Variants in CLK3 observed in about 807,000 individuals in gnomAD.
CLK3 encodes dual specificity protein kinase CLK3.
CLK3 carries 24 observed loss-of-function variants against 65.2 expected under a neutral mutation model. The observed-to-expected ratio is 0.37, with a 90% CI of 0.27 to 0.52. CLK3 has a LOEUF of 0.52. Among genes scored for constraint, CLK3 ranks in the 20% least tolerant of loss-of-function variants. The pLI, the probability that CLK3 is intolerant of heterozygous loss-of-function variation, is 0.92. For synonymous variants in CLK3, 252 were observed against 240.8 expected, an observed-to-expected ratio of 1.05 and a Z score of -0.43; for missense variants, 506 against 660.0, an observed-to-expected ratio of 0.77 and a Z score of 2.56.
chr15:74,619,118 A>C (rs574752275), intron 1 of CLK3, 79 bp from the exon 2 acceptor site: 4 of 1,566,844 alleles, frequency 2.6e-6, no homozygotes, highest in Admixed American at 1.8e-5. Flanking sequence ...TTCAGGAGCA[A>C]CCGGGAAGCC....
chr15:74,622,368 T>TGAA lies in CLK3; in HGVS notation c.467-126_467-125insGAA. 1 of 1,048,704 alleles carries TGAA rather than the reference T, an allele frequency of 9.5e-7. No homozygotes were observed. The highest frequency in any genetic ancestry group is 2.1e-5 in the Admixed American group (1 of 47,004). 65.0% of individuals were successfully genotyped at this position (1,048,704 alleles called of 1,614,324 possible). On this transcript the variant is annotated intron_variant, in intron 4 of 12. Transcript: ENST00000395066. The surrounding 1 kb of genome is among the most constrained non-coding windows in gnomAD (Gnocchi z 4.6). The stretch of plus-strand genomic sequence containing the variant: ...ATGACACAGACACTAGCAACTTCCA[T>TGAA]TTTTAAGAGTGTAGCAGTGAGAGAG...
Position 74,627,678 on chromosome 15 carries a change from T to C in CLK3, c.1042+10T>C, listed in dbSNP as rs1439817610. ...CCTGAGGTGATCCTTGGTGAGTGAC[T>C]GTATGGCCTGTGACCTTGTCATACT... On this transcript the variant is annotated intron_variant, in intron 9 of 12. Transcript: ENST00000395066. This position sits in a 1 kb window ranked among gnomAD's most constrained non-coding sequence, Gnocchi z 4.3. The C allele has an allele frequency of 8.7e-6, 14 of 1,613,192 alleles. No homozygotes were observed. The highest frequency in any genetic ancestry group is 1.1e-5 in the Non-Finnish European group (13 of 1,180,010).
At chr15:74,615,788 G>A, upstream of CLK3, 2 of 1,243,840 alleles carry the variant, frequency 1.6e-6, no homozygotes, top group East Asian at 3.1e-5. Context: ...GCTGGCGACG[G>A]CTGCGTCACG....
chr15:74,627,864 G>T lies in CLK3; in HGVS notation c.1043-106G>T. On this transcript the variant is annotated intron_variant, in intron 9 of 12. Transcript: ENST00000395066. The surrounding 1 kb of genome is among the most constrained non-coding windows in gnomAD (Gnocchi z 4.3). ...CCTTACTGAGAGAGGGCCTCGTACT[G>T]GGATTTGGGCAAGAGTCCTGCCAGC... 8.3e-7 allele frequency: 1 copy of T among 1,200,768 alleles called. No homozygotes were observed. The highest frequency in any genetic ancestry group is 1.2e-6 in the Non-Finnish European group (1 of 814,794). 74.4% of individuals were successfully genotyped at this position (1,200,768 alleles called of 1,614,324 possible).
Position 74,624,624 on chromosome 15 carries a change from C to T in CLK3, c.534-278C>T, listed in dbSNP as rs1243185732. 1.2e-5 allele frequency: 6 copies of T among 508,462 alleles called. No homozygotes were observed. Among genetic ancestry groups the T allele is most frequent in the South Asian group, 4.7e-5 (2 of 42,712 alleles). 31.5% of individuals were successfully genotyped at this position (508,462 alleles called of 1,614,324 possible). A position where few individuals can be genotyped will look rare whatever the true frequency, so the allele number is the denominator to read the frequency against. On this transcript the variant is annotated intron_variant, in intron 5 of 12. Transcript: ENST00000395066. This position sits in a 1 kb window ranked among gnomAD's most constrained non-coding sequence, Gnocchi z 4.2. ...TGGTTAAGCAGGATTGGCCTCTACTCTCCCACACTCCTTTGGGAGCTGGCA... is the reference window on the plus strand; with the variant it reads ...TGGTTAAGCAGGATTGGCCTCTACTTTCCCACACTCCTTTGGGAGCTGGCA...
upstream of CLK3, among the ~76,000 whole-genome samples, chr15:74,612,145 C>G (rs2061997282): frequency 6.6e-6 from 1 of 152,190 alleles, no homozygotes; most frequent in South Asian, 2.1e-4. Flanking sequence ...GGCAGGGAGT[C>G]CCGTGAGGAG....
intron 10 of CLK3, 159 bp from the exon 11 acceptor site, chr15:74,628,445 A>T: frequency 1.7e-6 from 1 of 597,716 alleles, no homozygotes; most frequent in Admixed American, 3.0e-5. Context: ...TGAGGAGCCT[A>T]GGCACAGGCT....
chr15:74,626,222 C>T (rs778274583), intron 7 of CLK3, among the ~76,000 whole-genome samples: 3 of 152,190 alleles, frequency 2.0e-5, no homozygotes, highest in Non-Finnish European at 4.4e-5. Flanking sequence ...AAAACAGAAA[C>T]GAACTGCTCT....
Position 74,621,254 on chromosome 15 carries a change from G to C in CLK3, c.370-866G>C, listed in dbSNP as rs2062100675. On this transcript the variant is annotated intron_variant, in intron 3 of 12. Coordinates refer to ENST00000395066, the MANE Select transcript of CLK3 (RefSeq NM_001130028.2). This position sits in a 1 kb window ranked among gnomAD's most constrained non-coding sequence, Gnocchi z 4.8. Reference sequence around the variant, plus strand: ...GCCACAGGATGGCAGTGCAGGTCTGGCTCTGTTTCTCTGTTTGGTGCCCTC... The same window carrying C: ...GCCACAGGATGGCAGTGCAGGTCTGCCTCTGTTTCTCTGTTTGGTGCCCTC... 6.5e-6 allele frequency: 1 copy of C among 153,204 alleles called. No homozygotes were observed. The highest frequency in any genetic ancestry group is 1.5e-5 in the Non-Finnish European group (1 of 68,792). The allele number at this position is 153,204 out of a possible 1,614,324, so 9.5% of individuals were successfully genotyped here. A position where few individuals can be genotyped will look rare whatever the true frequency, so the allele number is the denominator to read the frequency against.
chr15:74,619,391 C>G, intron 2 of CLK3, 43 bp downstream of exon 2: 1 of 1,604,522 alleles, frequency 6.2e-7, no homozygotes, highest in Non-Finnish European at 8.5e-7. Flanking sequence ...CTTCTGTCAG[C>G]TGGGCTCAGC....
rs371419854 is a variant in CLK3, at chr15:74,620,026, A to G, written c.170A>G (p.Tyr57Cys). 1.6e-4 allele frequency: 260 copies of G among 1,613,992 alleles called. No homozygotes were observed. Among genetic ancestry groups the G allele is most frequent in the Non-Finnish European group, 2.1e-4 (253 of 1,180,026 alleles). The stretch of plus-strand genomic sequence containing the variant: ...TTTGGCAGCCATGACCGCCTGCCCT[A>G]CCAGAGGAGGTACCGGGAGCGCCGT... ...SRSRSHDRLP[Y>C]QRRYRERRDS... is the part of the protein sequence containing the mutation. Residue 57 changes from tyrosine (Y) to cysteine (C), a missense_variant, in exon 3 of 13, where the codon TAC (tyrosine) becomes TGC (cysteine). Tyr to Cys is a radical substitution (Grantham distance 194, BLOSUM62 -2). This residue lies in a region of CLK3 where 181 missense variants were observed against 159.4 expected (regional missense o/e 1.14). Coordinates refer to ENST00000395066, the MANE Select transcript of CLK3 (RefSeq NM_001130028.2).
intron 2 of CLK3, 116 bp downstream of exon 2, chr15:74,619,464 C>T (rs1304647276): frequency 3.3e-6 from 4 of 1,204,792 alleles, no homozygotes; most frequent in Middle Eastern, 2.1e-4. Context: ...GGATCCCTGC[C>T]CTGTCCTCTT....
At chr15:74,611,447 C>T (rs2061988451), upstream of CLK3, among the ~76,000 whole-genome samples, 2 of 152,256 alleles carry the variant, frequency 1.3e-5, no homozygotes, top group Admixed American at 1.3e-4. Flanking sequence ...CCAGCTTGTG[C>T]TCCCGCCTCT....
In CLK3 at chr15:74,624,023, G is replaced by A. The variant is rs1043917950; in HGVS notation, c.534-879G>A. 2 of 152,218 alleles carry A rather than the reference G, an allele frequency of 1.3e-5. No homozygotes were observed. The highest frequency in any genetic ancestry group is 1.3e-4 in the Admixed American group (2 of 15,272). The allele number at this position is 152,218 out of a possible 1,614,324, so 9.4% of individuals were successfully genotyped here. A position where few individuals can be genotyped will look rare whatever the true frequency, so the allele number is the denominator to read the frequency against. On this transcript the variant is annotated intron_variant, in intron 5 of 12. Coordinates refer to ENST00000395066, the MANE Select transcript of CLK3 (RefSeq NM_001130028.2). The surrounding 1 kb of genome is among the most constrained non-coding windows in gnomAD (Gnocchi z 4.2). ...GAAAATAGGTAGGGAGAAAAAAGCAGGGGATTCTCTAGAAGGTCCCTTTAT... is the reference window on the plus strand; with the variant it reads ...GAAAATAGGTAGGGAGAAAAAAGCAAGGGATTCTCTAGAAGGTCCCTTTAT...
upstream of CLK3, chr15:74,615,461 G>A (rs2062045413): frequency 2.3e-6 from 3 of 1,311,584 alleles, no homozygotes; most frequent in Non-Finnish European, 1.9e-6. Context: ...AACAATGCCC[G>A]TCCTCTCCGC....
intron 10 of CLK3, 80 bp downstream of exon 10, chr15:74,628,132 A>G: frequency 1.1e-6 from 1 of 936,914 alleles, no homozygotes; most frequent in Non-Finnish European, 1.8e-6. Flanking sequence ...GGGAAGCCCC[A>G]CATGGATGAG....
intron 3 of CLK3, 84 bp downstream of exon 3, chr15:74,620,309 A>G (rs776219419): frequency 7.6e-6 from 12 of 1,569,624 alleles, no homozygotes; most frequent in Non-Finnish European, 1.0e-5. Context: ...GGTCCGGGTG[A>G]GTACTGCCAG....
In CLK3 at chr15:74,627,470, G is replaced by A. The variant is rs368022956; in HGVS notation, c.912+24G>A. ...AGGTATTGGTGGGGGTAAGGGTGAG[G>A]CCCTGTTTCAGGGGTGGGTTACCCG... On this transcript the variant is annotated intron_variant, in intron 8 of 12. Transcript: ENST00000395066. The surrounding 1 kb of genome is among the most constrained non-coding windows in gnomAD (Gnocchi z 4.3). The A allele has an allele frequency of 2.5e-6, 4 of 1,613,994 alleles. No homozygotes were observed. The highest frequency in any genetic ancestry group is 3.4e-6 in the Non-Finnish European group (4 of 1,179,942).
At chr15:74,610,686 G>T (rs548327438) in intron 1 of CLK3, among the ~76,000 whole-genome samples, 3 of 152,206 alleles carry the variant, frequency 2.0e-5, no homozygotes, top group African/African-American at 7.2e-5. Context: ...GAGATACACC[G>T]CCTCTCCAGC....
Sources: gnomAD v4.1 joint callset for allele counts (sites outside exome capture counted in the v4.1 genomes callset) on GRCh38, gnomAD v4.1.1 for gene constraint, gnomAD v4.1.1 regional missense constraint, Gnocchi (gnomAD v3.1) non-coding constraint, MANE v1.5 for transcripts, NCBI Gene and HGNC (gene_info 2026-07-23, HGNC 2026-07-21) for gene names.